The following ARHGAP10 variants were observed in gnomAD, a reference collection of about 807,000 sequenced individuals.
ARHGAP10 encodes the protein Rho GTPase activating protein 10, also known as rho GTPase-activating protein 10.
A neutral mutation model predicts 108.6 loss-of-function variants in ARHGAP10; 87 were observed. That is an observed-to-expected ratio of 0.80 (90% CI 0.67 to 0.96). The LOEUF (loss-of-function observed/expected upper bound fraction) is 0.96, where lower values mean the gene tolerates loss of function less well. Ranked by LOEUF, ARHGAP10 falls within the 40% of genes least tolerant of loss-of-function variation. The probability of loss-of-function intolerance (pLI) is 0.00; values close to 1 mark genes in which losing one functional copy is unlikely to be tolerated. For missense variants in ARHGAP10, 939 were observed against 954.5 expected (o/e 0.98, Z 0.21); for synonymous variants, 347 against 341.1 (o/e 1.02, Z -0.19).
intron 1 of ARHGAP10, among the ~76,000 whole-genome samples, chr4:147,822,275 C>A (rs374432666): frequency 1.6e-4 from 25 of 152,274 alleles, no homozygotes; most frequent in African/African-American, 3.1e-4. Context: ...TGGTTAAGAG[C>A]AGCTGGTTGG....
intron 13 of ARHGAP10, among the ~76,000 whole-genome samples, chr4:147,933,244 GT>G (rs1560832788): frequency 6.6e-6 from 1 of 152,194 alleles, no homozygotes; most frequent in Admixed American, 6.5e-5. Flanking sequence ...TAGGGACAAG[GT>G]TTTGCTATGT....
intron 12 of ARHGAP10, among the ~76,000 whole-genome samples, chr4:147,911,991 T>TTATA (rs1736756749): frequency 8.5e-6 from 1 of 117,866 alleles, no homozygotes; most frequent in African/African-American, 4.3e-5. Flanking sequence ...TTAAGAACAT[T>TTATA]CACGTGTGTG....
intron 16 of ARHGAP10, among the ~76,000 whole-genome samples, chr4:147,962,331 A>G (rs112670624): frequency 0.013 from 2,014 of 152,330 alleles, 48 homozygotes; most frequent in African/African-American, 0.046. Flanking sequence ...AACACGAACA[A>G]CAACAGTACT....
chr4:147,801,210 A>T (rs925997530), intron 1 of ARHGAP10, among the ~76,000 whole-genome samples: 1 of 152,188 alleles, frequency 6.6e-6, no homozygotes, highest in East Asian at 1.9e-4. Context: ...CAGGGGTCTT[A>T]TGGAGGTAAG....
chr4:147,987,713 CT>C (rs1328515829), intron 18 of ARHGAP10, among the ~76,000 whole-genome samples: 1 of 152,196 alleles, frequency 6.6e-6, no homozygotes, highest in Non-Finnish European at 1.5e-5. Context: ...TGTCTCTGGG[CT>C]TTGGGGCTGA....
At chr4:147,860,372 G>A (rs1285833212) in intron 5 of ARHGAP10, among the ~76,000 whole-genome samples, 1 of 152,184 alleles carries the variant, frequency 6.6e-6, no homozygotes, top group Non-Finnish European at 1.5e-5. Flanking sequence ...AACCCAGGAG[G>A]TGGAGCTTGC....
At chr4:147,812,239 A>G (rs1272445170) in intron 1 of ARHGAP10, among the ~76,000 whole-genome samples, 3 of 152,266 alleles carry the variant, frequency 2.0e-5, no homozygotes, top group Middle Eastern at 6.8e-3. Flanking sequence ...GGGGAATGAA[A>G]AAAAGAAAAC....
chr4:147,949,020 A>T (rs1458818470), intron 15 of ARHGAP10, among the ~76,000 whole-genome samples: 2 of 151,852 alleles, frequency 1.3e-5, no homozygotes, highest in Middle Eastern at 3.2e-3. Flanking sequence ...TAGTGGTGGT[A>T]TATTCTTTCT....
chr4:147,805,131 A>G (rs1404397745), intron 1 of ARHGAP10, among the ~76,000 whole-genome samples: 4 of 152,158 alleles, frequency 2.6e-5, no homozygotes, highest in Non-Finnish European at 5.9e-5. Flanking sequence ...TCTTTAATTC[A>G]TCTTGAGTTA....
chr4:147,873,078 T>G (rs1734908256), intron 7 of ARHGAP10, among the ~76,000 whole-genome samples: 1 of 152,236 alleles, frequency 6.6e-6, no homozygotes, highest in South Asian at 2.1e-4. Context: ...GGCTGTCTGC[T>G]GAGAAGTCCT....
intron 7 of ARHGAP10, among the ~76,000 whole-genome samples, chr4:147,871,180 G>C (rs1336890979): frequency 1.3e-5 from 2 of 152,070 alleles, no homozygotes; most frequent in Non-Finnish European, 2.9e-5. Flanking sequence ...GGATGGTCTC[G>C]ATCTCCTGAT....
intron 18 of ARHGAP10, among the ~76,000 whole-genome samples, chr4:147,982,224 T>G (rs543788668): frequency 6.6e-6 from 1 of 152,282 alleles, no homozygotes; most frequent in South Asian, 2.1e-4. Context: ...GGGTTTCTTT[T>G]TATAGGTAAC....
chr4:147,783,483 A>G (rs1015515710), intron 1 of ARHGAP10, among the ~76,000 whole-genome samples: 13 of 146,894 alleles, frequency 8.8e-5, no homozygotes, highest in Non-Finnish European at 1.8e-4. Context: ...TAATTTATAT[A>G]GCACACATTA....
Position 147,769,840 on chromosome 4 carries a change from CAT to C in ARHGAP10, c.154+37386_154+37387del, listed in dbSNP as rs777600253. On this transcript the variant is annotated intron_variant, in intron 1 of 22. Coordinates refer to ENST00000336498, the MANE Select transcript of ARHGAP10 (RefSeq NM_024605.4). ...TTAAAACCAGTGGCTGGAATTAAGACATGTGTTGAGGGAGGAAAAGGGAAAAG... is the reference window on the plus strand; with the variant it reads ...TTAAAACCAGTGGCTGGAATTAAGACGTGTTGAGGGAGGAAAAGGGAAAAG... 1.2e-4 allele frequency among the ~76,000 whole-genome samples: 19 copies of C among 152,062 alleles called. 1 individual carries two copies. The highest frequency in any genetic ancestry group is 7.9e-4 in the Admixed American group (12 of 15,274).
chr4:147,946,234 CA>C (rs1738374769), intron 14 of ARHGAP10: 1 of 169,238 alleles, frequency 5.9e-6, no homozygotes, highest in African/African-American at 2.4e-5. Context: ...TAAAACACCT[CA>C]AACCATGTGC....
At chr4:147,857,382 GATGAT>G (rs1734136886) in intron 4 of ARHGAP10, among the ~76,000 whole-genome samples, 166 bp from the exon 5 acceptor site, 1 of 152,192 alleles carries the variant, frequency 6.6e-6, no homozygotes, top group Non-Finnish European at 1.5e-5. Flanking sequence ...ATGCTGTCTT[GATGAT>G]TAAGCAGTAG....
At chr4:147,741,770 ACACACACACACACACACACACG>A (rs1247577438) in intron 1 of ARHGAP10, among the ~76,000 whole-genome samples, 10 of 17,400 alleles carry the variant, frequency 5.7e-4, no homozygotes, top group Middle Eastern at 0.028. Flanking sequence ...TTCTCTTTAC[ACACACACACACACACACACACG>A]CACACACACA....
chr4:147,791,749 T>C (rs1731135164), intron 1 of ARHGAP10, among the ~76,000 whole-genome samples: 1 of 151,998 alleles, frequency 6.6e-6, no homozygotes. Context: ...CATGTCCAGC[T>C]AGTTTTTGTA....
At chr4:147,914,999 A>C (rs142958260) in intron 13 of ARHGAP10, among the ~76,000 whole-genome samples, 196 of 152,252 alleles carry the variant, frequency 1.3e-3, no homozygotes, top group Non-Finnish European at 2.5e-3. Context: ...GTATGTATAA[A>C]TGGAATATTT....
Sources: allele counts gnomAD v4.1 joint callset (sites outside exome capture counted in the v4.1 genomes callset), GRCh38; gene constraint gnomAD v4.1.1; transcripts MANE v1.5; gene names NCBI Gene and HGNC (gene_info 2026-07-23, HGNC 2026-07-21).